Variants in GALNT16 observed in about 807,000 individuals in gnomAD.
GALNT16 encodes the protein UDP-GalNAc:polypeptide N-acetylgalactosaminyltransferase-like protein 1.
A neutral mutation model predicts 76.1 loss-of-function variants in GALNT16; 40 were observed. The observed-to-expected ratio is 0.53, with a 90% CI of 0.41 to 0.68. The LOEUF (loss-of-function observed/expected upper bound fraction) is 0.68. GALNT16 is among the 30% of genes least tolerant of loss of function. The pLI is 0.00. For synonymous variants in GALNT16, 276 were observed against 285.2 expected (o/e 0.97, Z 0.32); for missense variants, 621 against 731.9 (o/e 0.85, Z 1.75).
chr14:69,272,220 G>A (rs1040805736), intron 1 of GALNT16, among the ~76,000 whole-genome samples: 4 of 152,036 alleles, frequency 2.6e-5, no homozygotes, highest in Non-Finnish European at 4.4e-5. Flanking sequence ...AAAATTAACC[G>A]GGCCTGGTGG....
chr14:69,306,380 C>CT (rs1361954170), intron 1 of GALNT16, among the ~76,000 whole-genome samples: 3 of 151,946 alleles, frequency 2.0e-5, no homozygotes, highest in Admixed American at 6.6e-5. Flanking sequence ...CACATGTACA[C>CT]TTTTTTTTAC....
chr14:69,376,470 A>T, the GALNT16 span, among the ~76,000 whole-genome samples: 1 of 151,712 alleles, frequency 6.6e-6, no homozygotes, highest in African/African-American at 2.4e-5. Flanking sequence ...TTTAACACAA[A>T]CTCTTTCAAC....
At chr14:69,325,284 T>C in intron 3 of GALNT16, 53 bp from the exon 4 acceptor site, 1 of 1,144,176 alleles carries the variant, frequency 8.7e-7, no homozygotes, top group South Asian at 1.2e-5. Context: ...GTGGTAAAAA[T>C]GGGAGGTGGT....
intron 14 of GALNT16, 39 bp downstream of exon 14, chr14:69,348,041 C>G: frequency 3.1e-6 from 5 of 1,609,648 alleles, no homozygotes; most frequent in Non-Finnish European, 4.2e-6. Context: ...CCCAGCAGCC[C>G]GAGGGGCCAT....
intron 1 of GALNT16, among the ~76,000 whole-genome samples, chr14:69,316,080 G>A (rs1427613375): frequency 6.6e-6 from 1 of 152,232 alleles, no homozygotes; most frequent in African/African-American, 2.4e-5. Flanking sequence ...GGCCTAGCCA[G>A]GGTCTTGTGC....
chr14:69,355,705 T>C (rs2045687977), downstream of GALNT16: 1 of 152,288 alleles, frequency 6.6e-6, no homozygotes, highest in East Asian at 1.9e-4. Flanking sequence ...CCCGAAAGCC[T>C]ATGGGCAGGG....
intron 5 of GALNT16, among the ~76,000 whole-genome samples, 198 bp downstream of exon 5, chr14:69,326,225 C>T (rs142784419): frequency 1.3e-5 from 2 of 152,220 alleles, no homozygotes; most frequent in Non-Finnish European, 2.9e-5. Flanking sequence ...GCAAGTTGCT[C>T]CATCTCTGAC....
chr14:69,308,101 G>A (rs910831989), intron 1 of GALNT16, among the ~76,000 whole-genome samples: 8 of 152,070 alleles, frequency 5.3e-5, no homozygotes, highest in Non-Finnish European at 1.2e-4. Context: ...AGCTACTCCG[G>A]ACGGTACCTC....
intron 1 of GALNT16, among the ~76,000 whole-genome samples, chr14:69,313,927 T>C (rs2140154767): frequency 6.6e-6 from 1 of 152,334 alleles, no homozygotes; most frequent in African/African-American, 2.4e-5. Context: ...TTAAGGTCCC[T>C]CGTAGTTCCA....
intron 1 of GALNT16, among the ~76,000 whole-genome samples, chr14:69,266,380 T>C (rs2044342600): frequency 1.3e-5 from 2 of 152,230 alleles, no homozygotes; most frequent in Admixed American, 1.3e-4. Flanking sequence ...AGGATAATTA[T>C]TTTTAAAACA....
rs567508249 is a variant in GALNT16 at position 69,338,529 on chromosome 14, C to T, written c.968-122C>T. On this transcript the variant is annotated intron_variant, in intron 9 of 14. Transcript: ENST00000448469. ...TGGGAGCACTCCATTTGAGCAGGCC[C>T]AGGAGCCCCGACCCCAACATGTACC... 1.3e-4 allele frequency: 188 copies of T among 1,399,146 alleles called. 1 individual carries two copies. In the East Asian group the frequency reaches 4.3e-3, roughly 32 times the overall value. 86.7% of individuals were successfully genotyped at this position (1,399,146 alleles called of 1,614,324 possible). A position where few individuals can be genotyped will look rare whatever the true frequency, so the allele number is the denominator to read the frequency against.
At chr14:69,302,699 T>C (rs1594835545) in intron 1 of GALNT16, among the ~76,000 whole-genome samples, 1 of 152,338 alleles carries the variant, frequency 6.6e-6, no homozygotes, top group East Asian at 1.9e-4. Flanking sequence ...TATGGACATA[T>C]AGGGTGACCA....
At chr14:69,342,907 G>A (rs1275687) in intron 12 of GALNT16, among the ~76,000 whole-genome samples, 52,211 of 151,900 alleles carry the variant, frequency 0.34, 9,896 homozygotes, top group Non-Finnish European at 0.44. Flanking sequence ...CCCCAGCATC[G>A]TCTCCTCCAT....
intron 14 of GALNT16, chr14:69,348,431 C>G (rs2045594299): frequency 3.6e-6 from 1 of 273,996 alleles, no homozygotes; most frequent in Admixed American, 4.9e-5. Context: ...AGCTGAGGCT[C>G]GCTGAATCTA....
chr14:69,347,315 A>G, intron 13 of GALNT16, 134 bp downstream of exon 13: 2 of 774,878 alleles, frequency 2.6e-6, no homozygotes, highest in Non-Finnish European at 4.0e-6. Context: ...AGGGGCCCCT[A>G]GACCCTGCTC....
chr14:69,358,105 G>T (rs759913532), downstream of GALNT16: 10 of 152,324 alleles, frequency 6.6e-5, no homozygotes, highest in Non-Finnish European at 1.0e-4. Context: ...TCTGAGCCCA[G>T]CAGTGGTGGA....
At chr14:69,267,508 GGTGTGGCTCT>G (rs2044356016) in intron 1 of GALNT16, among the ~76,000 whole-genome samples, 1 of 152,206 alleles carries the variant, frequency 6.6e-6, no homozygotes, top group African/African-American at 2.4e-5. Context: ...CATAAAGTGA[GGTGTGGCTCT>G]GTGTAGAGCA....
chr14:69,305,741 C>T (rs1004104022), intron 1 of GALNT16, among the ~76,000 whole-genome samples: 34 of 151,978 alleles, frequency 2.2e-4, no homozygotes, highest in Admixed American at 1.8e-3. Flanking sequence ...TGATTGTGTC[C>T]GTTGCTGTGC....
intron 9 of GALNT16, among the ~76,000 whole-genome samples, chr14:69,336,022 A>G (rs2045411120): frequency 6.6e-6 from 1 of 152,180 alleles, no homozygotes; most frequent in Non-Finnish European, 1.5e-5. Context: ...TACTGGCTAC[A>G]GGGTATCTGC....
Sources: gnomAD v4.1 joint callset for allele counts (sites outside exome capture counted in the v4.1 genomes callset) on GRCh38, gnomAD v4.1.1 for gene constraint, MANE v1.5 for transcripts, NCBI Gene and HGNC (gene_info 2026-07-23, HGNC 2026-07-21) for gene names.